The following THSD4 variants were observed in gnomAD, a reference collection of about 807,000 sequenced individuals.
THSD4 encodes thrombospondin type-1 domain-containing protein 4.
Under a neutral mutation model 119.0 loss-of-function variants are expected in THSD4, and 69 were observed. The observed-to-expected ratio is 0.58, with a 90% CI of 0.48 to 0.71. The LOEUF (loss-of-function observed/expected upper bound fraction) is 0.71, where lower values mean the gene tolerates loss of function less well. Among genes scored for constraint, THSD4 ranks in the 30% least tolerant of loss-of-function variants. The probability of loss-of-function intolerance (pLI) is 0.00; values close to 1 mark genes in which losing one functional copy is unlikely to be tolerated. For missense variants in THSD4, 1,393 were observed against 1,391.1 expected, an observed-to-expected ratio of 1.00 and a Z score of -0.02; for synonymous variants, 524 against 540.4, an observed-to-expected ratio of 0.97 and a Z score of 0.42.
At chr15:71,344,456 C>G (rs1324137543) in intron 6 of THSD4, among the ~76,000 whole-genome samples, 2 of 152,132 alleles carry the variant, frequency 1.3e-5, no homozygotes, top group Non-Finnish European at 2.9e-5. Flanking sequence ...CACCATTCAG[C>G]TCACCACTTC....
At chr15:71,435,279 C>A (rs1237373286) in intron 7 of THSD4, among the ~76,000 whole-genome samples, 1 of 152,100 alleles carries the variant, frequency 6.6e-6, no homozygotes, top group Non-Finnish European at 1.5e-5. Flanking sequence ...AAACTACAGG[C>A]CAGAGTGTCT....
chr15:71,260,154 C>G (rs2044373723), intron 6 of THSD4, among the ~76,000 whole-genome samples: 1 of 152,124 alleles, frequency 6.6e-6, no homozygotes, highest in Non-Finnish European at 1.5e-5. Context: ...GAAAACTTTG[C>G]TAATGTTTTC....
intron 6 of THSD4, among the ~76,000 whole-genome samples, chr15:71,321,571 C>G (rs2045269320): frequency 6.6e-6 from 1 of 152,118 alleles, no homozygotes; most frequent in Non-Finnish European, 1.5e-5. Flanking sequence ...TCAGCCTTCT[C>G]TTTTAAAACA....
intron 7 of THSD4, among the ~76,000 whole-genome samples, chr15:71,492,714 G>A (rs766220000): frequency 1.3e-5 from 2 of 152,026 alleles, no homozygotes; most frequent in Non-Finnish European, 2.9e-5. Context: ...TTCCCTTTGT[G>A]TCCCAGGTCC....
intron 7 of THSD4, among the ~76,000 whole-genome samples, chr15:71,485,977 A>G (rs2047810273): frequency 6.6e-6 from 1 of 152,168 alleles, no homozygotes; most frequent in Non-Finnish European, 1.5e-5. Context: ...CTTGTGGCAA[A>G]TATCCTTTTT....
intron 8 of THSD4, among the ~76,000 whole-genome samples, chr15:71,703,926 C>T (rs527315385): frequency 6.6e-6 from 1 of 152,190 alleles, no homozygotes; most frequent in African/African-American, 2.4e-5. Flanking sequence ...CTCTGCTCAC[C>T]GCAGGCTCTG....
chr15:71,384,936 T>G (rs540731610), intron 6 of THSD4, among the ~76,000 whole-genome samples: 1 of 152,312 alleles, frequency 6.6e-6, no homozygotes, highest in East Asian at 1.9e-4. Flanking sequence ...TAGCCAATGA[T>G]TTTTCTTTAC....
chr15:71,203,201 C>G (rs1030299720), intron 3 of THSD4, among the ~76,000 whole-genome samples: 11 of 151,924 alleles, frequency 7.2e-5, no homozygotes, highest in African/African-American at 2.7e-4. Context: ...CATAGGGGGA[C>G]AGAGATGGAG....
At chr15:71,597,648 C>G (rs1200130361) in intron 7 of THSD4, among the ~76,000 whole-genome samples, 1 of 152,190 alleles carries the variant, frequency 6.6e-6, no homozygotes, top group Non-Finnish European at 1.5e-5. Context: ...GTCAAACCAC[C>G]TAGTTCTGAT....
chr15:71,620,455 A>G (rs938434675), intron 7 of THSD4, among the ~76,000 whole-genome samples: 3 of 151,900 alleles, frequency 2.0e-5, no homozygotes, highest in Non-Finnish European at 2.9e-5. Flanking sequence ...TAATAACAAA[A>G]TTCGCCGGGC....
intron 15 of THSD4, among the ~76,000 whole-genome samples, chr15:71,759,778 TG>T (rs939955635): frequency 4.0e-4 from 61 of 152,170 alleles, no homozygotes; most frequent in African/African-American, 1.4e-3. Flanking sequence ...TTTTTGCTTG[TG>T]GCTTCCTATT....
At chr15:71,357,267 C>G (rs1248197581) in intron 6 of THSD4, among the ~76,000 whole-genome samples, 1 of 152,346 alleles carries the variant, frequency 6.6e-6, no homozygotes, top group Non-Finnish European at 1.5e-5. Flanking sequence ...TGTAGGACAT[C>G]TGCACTGCAG....
intron 8 of THSD4, among the ~76,000 whole-genome samples, chr15:71,672,183 T>C (rs926973500): frequency 1.3e-4 from 20 of 152,164 alleles, no homozygotes; most frequent in Non-Finnish European, 1.3e-4. Flanking sequence ...TTGTAGTTCT[T>C]CTTGAAGAGG....
chr15:71,654,925 C>A (rs938407820), intron 7 of THSD4, among the ~76,000 whole-genome samples: 4 of 152,140 alleles, frequency 2.6e-5, no homozygotes, highest in African/African-American at 9.7e-5. Context: ...CACCAGCCTA[C>A]CCTGCTGTGA....
intron 4 of THSD4, among the ~76,000 whole-genome samples, chr15:71,216,091 C>G (rs943182992): frequency 1.3e-5 from 2 of 152,214 alleles, no homozygotes; most frequent in South Asian, 4.1e-4. Flanking sequence ...GTGAGTGAAG[C>G]AATAGATACT....
intron 7 of THSD4, among the ~76,000 whole-genome samples, chr15:71,503,141 A>G (rs1197389023): frequency 6.6e-6 from 1 of 152,166 alleles, no homozygotes; most frequent in Non-Finnish European, 1.5e-5. Flanking sequence ...CTGAGGACAC[A>G]TTTGAGCTGT....
At chr15:71,151,568 C>T (rs967040177) in intron 2 of THSD4, among the ~76,000 whole-genome samples, 3 of 152,058 alleles carry the variant, frequency 2.0e-5, no homozygotes, top group Non-Finnish European at 2.9e-5. Context: ...CACAGAGAGA[C>T]GGTGATTTGC....
intron 6 of THSD4, among the ~76,000 whole-genome samples, chr15:71,381,051 G>A (rs2046222235): frequency 6.6e-6 from 1 of 152,090 alleles, no homozygotes; most frequent in South Asian, 2.1e-4. Context: ...GGCTTGACAA[G>A]CCAAACATTG....
chr15:71,449,652 G>A (rs1412718531), intron 7 of THSD4, among the ~76,000 whole-genome samples: 1 of 79,792 alleles, frequency 1.3e-5, no homozygotes, highest in Non-Finnish European at 3.1e-5. Context: ...ATGATAATCG[G>A]TTGTCCCCAT....
Sources: allele counts gnomAD v4.1 joint callset (sites outside exome capture counted in the v4.1 genomes callset), GRCh38; gene constraint gnomAD v4.1.1; transcripts MANE v1.5; gene names NCBI Gene and HGNC (gene_info 2026-07-23, HGNC 2026-07-21).